The following SLC25A26 variants were observed in gnomAD, a reference collection of about 807,000 sequenced individuals.
SLC25A26 encodes mitochondrial S-adenosylmethionine carrier protein.
SLC25A26 carries 36 observed loss-of-function variants against 37.8 expected under a neutral mutation model. The ratio of observed to expected loss-of-function variants is 0.95; its 90% CI spans 0.73 to 1.26. The LOEUF is 1.26. Ranked by LOEUF, SLC25A26 falls within the 50% of genes most tolerant of loss-of-function variation. The pLI is 0.00. For synonymous variants in SLC25A26, 129 were observed against 122.5 expected, an observed-to-expected ratio of 1.05 and a Z score of -0.35; for missense variants, 390 against 331.1, an observed-to-expected ratio of 1.18 and a Z score of -1.38.
chr3:66,301,698 A>G (rs999308160), intron 5 of SLC25A26, among the ~76,000 whole-genome samples: 28 of 152,222 alleles, frequency 1.8e-4, no homozygotes, highest in African/African-American at 6.5e-4. Context: ...ACATGTTACC[A>G]TTCAGAACTT....
chr3:66,217,642 G>A (rs1285381067), upstream of SLC25A26, among the ~76,000 whole-genome samples: 1 of 151,756 alleles, frequency 6.6e-6, no homozygotes, highest in South Asian at 2.1e-4. Context: ...TCCACCGCTC[G>A]GGTTCAAGCG....
At chr3:66,146,421 C>T (rs2070115561) in intron 1 of SLC25A26, among the ~76,000 whole-genome samples, 1 of 151,386 alleles carries the variant, frequency 6.6e-6, no homozygotes, top group South Asian at 2.1e-4. Flanking sequence ...TATTTACACA[C>T]AAAGAATATA....
intron 1 of SLC25A26, among the ~76,000 whole-genome samples, chr3:66,199,976 A>G (rs2106810834): frequency 6.6e-6 from 1 of 152,324 alleles, no homozygotes; most frequent in Admixed American, 6.5e-5. Flanking sequence ...TTTCATCTAG[A>G]TCTTTTGTAA....
chr3:66,256,294 G>A (rs2073299139), intron 3 of SLC25A26, among the ~76,000 whole-genome samples: 2 of 152,042 alleles, frequency 1.3e-5, no homozygotes, highest in South Asian at 2.1e-4. Context: ...ATCTGTTTTT[G>A]TGGATTTATT....
At chr3:66,199,270 G>A (rs1030491732) in intron 1 of SLC25A26, among the ~76,000 whole-genome samples, 4 of 151,682 alleles carry the variant, frequency 2.6e-5, no homozygotes, top group Non-Finnish European at 1.5e-5. Context: ...GACCTTGACT[G>A]TGATCTAAAT....
chr3:66,274,095 G>A (rs1274913186), intron 5 of SLC25A26, among the ~76,000 whole-genome samples: 6 of 151,910 alleles, frequency 3.9e-5, no homozygotes, highest in African/African-American at 1.2e-4. Context: ...AAATAAGGCC[G>A]CATATCTACA....
intron 7 of SLC25A26, among the ~76,000 whole-genome samples, chr3:66,368,317 C>A (rs1425353408): frequency 6.6e-6 from 1 of 152,144 alleles, no homozygotes; most frequent in Non-Finnish European, 1.5e-5. Flanking sequence ...AGGGCCTCTT[C>A]GGATTTAGAA....
At chr3:66,183,530 C>A (rs1167202031) in intron 1 of SLC25A26, among the ~76,000 whole-genome samples, 1 of 152,080 alleles carries the variant, frequency 6.6e-6, no homozygotes. Context: ...ACCCCTTACC[C>A]TGATGCTGAC....
intron 5 of SLC25A26, 145 bp downstream of exon 5, chr3:66,263,524 A>G: frequency 1.6e-6 from 1 of 632,818 alleles, no homozygotes; most frequent in Admixed American, 2.9e-5. Flanking sequence ...TCTTCTGTTA[A>G]ATTTTCTGAG....
intron 1 of SLC25A26, among the ~76,000 whole-genome samples, chr3:66,138,304 G>GA (rs1261063491): frequency 3.3e-5 from 5 of 151,916 alleles, no homozygotes; most frequent in Admixed American, 1.3e-4. Flanking sequence ...AATGAAGGAA[G>GA]AAAAAAATCA....
At chr3:66,361,843 T>G (rs1441531841) in intron 6 of SLC25A26, among the ~76,000 whole-genome samples, 1 of 152,110 alleles carries the variant, frequency 6.6e-6, no homozygotes, top group Non-Finnish European at 1.5e-5. Flanking sequence ...GGCAGGCGCC[T>G]GTAGTCGCAG....
At chr3:66,283,484 G>A (rs1032718000) in intron 5 of SLC25A26, among the ~76,000 whole-genome samples, 1 of 151,988 alleles carries the variant, frequency 6.6e-6, no homozygotes, top group Non-Finnish European at 1.5e-5. Context: ...GTTTCACCAC[G>A]TTGCCCAGGC....
intron 1 of SLC25A26, among the ~76,000 whole-genome samples, chr3:66,181,074 G>A (rs1395065763): frequency 6.6e-6 from 1 of 152,176 alleles, no homozygotes; most frequent in African/African-American, 2.4e-5. Flanking sequence ...TCTTGGACTT[G>A]CAGCCTTCAG....
intron 1 of SLC25A26, among the ~76,000 whole-genome samples, chr3:66,186,232 C>T (rs1036043664): frequency 2.0e-5 from 3 of 151,918 alleles, no homozygotes; most frequent in Non-Finnish European, 4.4e-5. Context: ...CCCTGATTTC[C>T]ACCCTTATGA....
At chr3:66,303,050 C>T (rs559814112) in intron 5 of SLC25A26, among the ~76,000 whole-genome samples, 176 of 152,232 alleles carry the variant, frequency 1.2e-3, no homozygotes, top group Middle Eastern at 6.8e-3. Flanking sequence ...GAGCACCTCC[C>T]GTGAGTAGTG....
At chr3:66,160,022 T>G (rs937180684) in intron 1 of SLC25A26, among the ~76,000 whole-genome samples, 2 of 152,126 alleles carry the variant, frequency 1.3e-5, no homozygotes, top group Non-Finnish European at 2.9e-5. Flanking sequence ...TTTTCTTTTT[T>G]GGGACAGTCT....
chr3:66,353,319 CAT>C (rs1373310597), intron 6 of SLC25A26, among the ~76,000 whole-genome samples: 1 of 152,178 alleles, frequency 6.6e-6, no homozygotes, highest in Admixed American at 6.5e-5. Flanking sequence ...ACTTCCCACA[CAT>C]CTCCTGTTCA....
At chr3:66,344,502 A>T (rs1455927070) in intron 5 of SLC25A26, among the ~76,000 whole-genome samples, 1 of 152,052 alleles carries the variant, frequency 6.6e-6, no homozygotes, top group Non-Finnish European at 1.5e-5. Context: ...AATTCACGTG[A>T]AGGTAAATAC....
chr3:66,259,613 C>T (rs191214538), intron 3 of SLC25A26, among the ~76,000 whole-genome samples: 1 of 152,244 alleles, frequency 6.6e-6, no homozygotes, highest in East Asian at 1.9e-4. Context: ...CTCCTTTTTC[C>T]TCAGATTTGA....
Sources: gnomAD v4.1 joint callset for allele counts (sites outside exome capture counted in the v4.1 genomes callset) on GRCh38, gnomAD v4.1.1 for gene constraint, MANE v1.5 for transcripts, NCBI Gene and HGNC (gene_info 2026-07-23, HGNC 2026-07-21) for gene names.